The following SLC22A23 variants were observed in gnomAD, a reference collection of about 807,000 sequenced individuals.
SLC22A23 encodes the protein ion transporter protein.
Under a neutral mutation model 61.0 loss-of-function variants are expected in SLC22A23, and 26 were observed. The ratio of observed to expected loss-of-function variants is 0.43; its 90% CI spans 0.31 to 0.59. The LOEUF (loss-of-function observed/expected upper bound fraction) is 0.59, where lower values mean the gene tolerates loss of function less well. SLC22A23 is among the 20% of genes least tolerant of loss of function. The pLI is 0.11. For missense variants in SLC22A23, 796 were observed against 934.7 expected (o/e 0.85, Z 1.94); for synonymous variants, 430 against 413.9 (o/e 1.04, Z -0.47).
intron 1 of SLC22A23, among the ~76,000 whole-genome samples, chr6:3,425,503 C>T (rs1229644670): frequency 6.6e-6 from 1 of 152,078 alleles, no homozygotes; most frequent in Non-Finnish European, 1.5e-5. Flanking sequence ...CCAGGATGGT[C>T]TCAATCTCCT....
chr6:3,398,442 A>C (rs913099631), intron 3 of SLC22A23, among the ~76,000 whole-genome samples: 2 of 150,414 alleles, frequency 1.3e-5, no homozygotes, highest in African/African-American at 4.9e-5. Context: ...CTCTGCTTGG[A>C]TACAAAGCAC....
intron 1 of SLC22A23, among the ~76,000 whole-genome samples, chr6:3,443,404 C>A (rs910078703): frequency 3.3e-5 from 5 of 152,172 alleles, no homozygotes; most frequent in Non-Finnish European, 7.3e-5. Flanking sequence ...CTTCCAAGAT[C>A]CCTGGGTGAT....
Position 3,272,043 on chromosome 6 carries a change from G to A in SLC22A23, c.*1012C>T, listed in dbSNP as rs534611692. ...TCCCTGGAGTGATGTCTGAGGTGACGGCCATCCAAGCTGGTGATCTTCATG... is the reference window on the plus strand; with the variant it reads ...TCCCTGGAGTGATGTCTGAGGTGACAGCCATCCAAGCTGGTGATCTTCATG... On this transcript the variant is annotated 3_prime_UTR_variant, in exon 10 of 10. Transcript: ENST00000406686. 7 of 152,568 alleles carry A rather than the reference G, an allele frequency of 4.6e-5. No homozygotes were observed. In the East Asian group the frequency reaches 9.4e-4, roughly 21 times the overall value. The allele number at this position is 152,568 out of a possible 1,614,324, so 9.5% of individuals were successfully genotyped here. A position where few individuals can be genotyped will look rare whatever the true frequency, so the allele number is the denominator to read the frequency against.
In SLC22A23 at chr6:3,298,122, G is replaced by T; in HGVS notation, c.1179C>A (p.Asn393Lys). 6.3e-7 allele frequency: 1 copy of T among 1,582,932 alleles called. No homozygotes were observed. Reference protein sequence around the residue: ...ILHFTQKNRMNPEGDIKGVIP... With the variant: ...ILHFTQKNRMKPEGDIKGVIP... ...TCACACCCTTGATGTCGCCCTCAGG[G>T]TTCATGCGATTCTTCTGTGTGAAGT... The change falls in exon 5 of 10, where the codon AAC becomes AAA. Residue 393 changes from asparagine to lysine, a missense_variant. Asn to Lys is a moderately conservative substitution (Grantham distance 94, BLOSUM62 0). Transcript: ENST00000406686.
intron 5 of SLC22A23, chr6:3,291,615 TC>T (rs917016148): frequency 7.9e-5 from 12 of 152,220 alleles, no homozygotes; most frequent in African/African-American, 2.9e-4. Context: ...CCATTATTTT[TC>T]CTCAGCAAAA....
chr6:3,417,853 G>C (rs1163895097), intron 1 of SLC22A23, among the ~76,000 whole-genome samples: 2 of 152,266 alleles, frequency 1.3e-5, no homozygotes, highest in African/African-American at 4.8e-5. Flanking sequence ...CTCTGCAAAT[G>C]CAGGGTCGTA....
At chr6:3,391,205 C>T (rs1448994551) in intron 3 of SLC22A23, among the ~76,000 whole-genome samples, 5 of 152,238 alleles carry the variant, frequency 3.3e-5, no homozygotes, top group African/African-American at 1.2e-4. Context: ...GATTTGCACA[C>T]AAATGTCCTC....
intron 3 of SLC22A23, among the ~76,000 whole-genome samples, chr6:3,404,865 G>A (rs1368675256): frequency 6.6e-6 from 1 of 151,942 alleles, no homozygotes; most frequent in Non-Finnish European, 1.5e-5. Context: ...TGTTTCCAGT[G>A]AAGAAAATGA....
chr6:3,329,750 G>C lies in SLC22A23; in HGVS notation c.914-5748C>G, dbSNP rs547803783. ...GCACCTGGCTCATACTGAAGCCACG[G>C]AAGGCTTCCTATGTGTCGCTGGCCT... is the stretch of plus-strand genomic sequence containing the variant. On this transcript the variant is annotated intron_variant, in intron 3 of 9. Coordinates refer to ENST00000406686, the MANE Select transcript of SLC22A23 (RefSeq NM_015482.2). This position sits in a 1 kb window ranked among gnomAD's most constrained non-coding sequence, Gnocchi z 4.8. Among the ~76,000 whole-genome samples, 2 of 152,148 alleles carry C rather than the reference G, an allele frequency of 1.3e-5. No homozygotes were observed. Among genetic ancestry groups the C allele is most frequent in the Non-Finnish European group, 2.9e-5 (2 of 68,024 alleles).
chr6:3,386,155 A>G lies in SLC22A23; in HGVS notation c.913+24033T>C, dbSNP rs1259808088. Among the ~76,000 whole-genome samples, 1 of 151,932 alleles carries G rather than the reference A, an allele frequency of 6.6e-6. No homozygotes were observed. The highest frequency in any genetic ancestry group is 2.4e-5 in the African/African-American group (1 of 41,338). On this transcript the variant is annotated intron_variant, in intron 3 of 9. Coordinates refer to ENST00000406686, the MANE Select transcript of SLC22A23 (RefSeq NM_015482.2). This position sits in a 1 kb window ranked among gnomAD's most constrained non-coding sequence, Gnocchi z 4.4. ...CCACACCCCTCCCGGGTGTCTCATT[A>G]CCTGACGAGGTGGATTTATTAATGA...
chr6:3,317,165 T>C lies in SLC22A23; in HGVS notation c.1082+6669A>G, dbSNP rs1581680675. Reference sequence around the variant, plus strand: ...CCGCGCAGGAAACTTGATGTCACCCTGTCCCACGTATTACCTTCCTGATCT... The same window carrying C: ...CCGCGCAGGAAACTTGATGTCACCCCGTCCCACGTATTACCTTCCTGATCT... On this transcript the variant is annotated intron_variant, in intron 4 of 9. Transcript: ENST00000406686. This position sits in a 1 kb window ranked among gnomAD's most constrained non-coding sequence, Gnocchi z 4.4. Among the ~76,000 whole-genome samples the C allele has an allele frequency of 6.6e-6, 1 of 152,222 alleles. No individual in the cohort carries two copies. The highest frequency in any genetic ancestry group is 1.5e-5 in the Non-Finnish European group (1 of 68,038).
chr6:3,382,901 AACTC>A (rs1315402039), intron 3 of SLC22A23, among the ~76,000 whole-genome samples: 1 of 152,216 alleles, frequency 6.6e-6, no homozygotes, highest in Non-Finnish European at 1.5e-5. Context: ...TGGAATGGTA[AACTC>A]ACTCATTGTT....
chr6:3,427,340 A>G lies in SLC22A23; in HGVS notation c.655-11485T>C, dbSNP rs1400599674. ...TGTCTGTTGGTAAGTAACATTTTGG[A>G]TCTGAGAGTAATAAAACTACTTCAA... On this transcript the variant is annotated intron_variant, in intron 1 of 9. Coordinates refer to ENST00000406686, the MANE Select transcript of SLC22A23 (RefSeq NM_015482.2). The surrounding 1 kb of genome is among the most constrained non-coding windows in gnomAD (Gnocchi z 4.3). 2.0e-5 allele frequency among the ~76,000 whole-genome samples: 3 copies of G among 152,024 alleles called. No individual in the cohort carries two copies. Among genetic ancestry groups the G allele is most frequent in the East Asian group, 3.9e-4 (2 of 5,178 alleles).
chr6:3,367,222 GAGAAGGTCAA>G (rs1581762005), intron 3 of SLC22A23, among the ~76,000 whole-genome samples: 2 of 152,224 alleles, frequency 1.3e-5, no homozygotes, highest in Non-Finnish European at 2.9e-5. Context: ...TCATGGCCCA[GAGAAGGTCAA>G]AGTACATTTC....
At chr6:3,320,335 C>T (rs1368479644) in intron 4 of SLC22A23, among the ~76,000 whole-genome samples, 1 of 152,160 alleles carries the variant, frequency 6.6e-6, no homozygotes, top group Non-Finnish European at 1.5e-5. Flanking sequence ...TCCCTTCTGG[C>T]CAGTCCTCAC....
At chr6:3,373,725 T>A (rs1037448562) in intron 3 of SLC22A23, among the ~76,000 whole-genome samples, 1 of 152,200 alleles carries the variant, frequency 6.6e-6, no homozygotes, top group Non-Finnish European at 1.5e-5. Flanking sequence ...GCAGGTCACC[T>A]ATTGTTCCAT....
At position 3,363,827 on chromosome 6, in the gene SLC22A23, C is replaced by T. The variant is rs1467887354; in HGVS notation, c.914-39825G>A. On this transcript the variant is annotated intron_variant, in intron 3 of 9. Coordinates refer to ENST00000406686, the MANE Select transcript of SLC22A23 (RefSeq NM_015482.2). ...ATGGTTACTCCAGTGCCCCTGCCCCCATCCTGGTCCTCTCTTGGGCACTAG... is the reference window on the plus strand; with the variant it reads ...ATGGTTACTCCAGTGCCCCTGCCCCTATCCTGGTCCTCTCTTGGGCACTAG... 4.6e-5 allele frequency among the ~76,000 whole-genome samples: 7 copies of T among 152,264 alleles called. No individual in the cohort carries two copies. The South Asian group carries it at 1.2e-3, about 27-fold the overall frequency.
At chr6:3,416,020 G>C (rs550568924) in intron 1 of SLC22A23, among the ~76,000 whole-genome samples, 165 bp from the exon 2 acceptor site, 89 of 152,358 alleles carry the variant, frequency 5.8e-4, no homozygotes, top group Admixed American at 1.6e-3. Flanking sequence ...AAAATCCAAT[G>C]AGACATATAA....
At chr6:3,388,422 G>A (rs1420090207) in intron 3 of SLC22A23, among the ~76,000 whole-genome samples, 2 of 152,250 alleles carry the variant, frequency 1.3e-5, no homozygotes, top group Non-Finnish European at 2.9e-5. Context: ...GGGCGAGGAT[G>A]TGGAGAAACT....
Sources: allele counts gnomAD v4.1 joint callset (sites outside exome capture counted in the v4.1 genomes callset), GRCh38; gene constraint gnomAD v4.1.1; non-coding constraint Gnocchi (gnomAD v3.1); transcripts MANE v1.5; gene names NCBI Gene and HGNC (gene_info 2026-07-23, HGNC 2026-07-21).